Variants in USH2A observed in about 807,000 individuals in gnomAD.
USH2A encodes the protein Usher syndrome 2A (autosomal recessive, mild).
Under a neutral mutation model 538.9 loss-of-function variants are expected in USH2A, and 443 were observed. The ratio of observed to expected loss-of-function variants is 0.82; its 90% CI spans 0.76 to 0.89. The LOEUF is 0.89. Ranked by LOEUF, USH2A falls within the 40% of genes least tolerant of loss-of-function variation. The pLI, the probability that USH2A is intolerant of heterozygous loss-of-function variation, is 0.00. For synonymous variants in USH2A, 2,413 were observed against 2,273.5 expected (o/e 1.06, Z -1.75); for missense variants, 6,633 against 6,324.8 (o/e 1.05, Z -1.65).
intron 26 of USH2A, among the ~76,000 whole-genome samples, chr1:216,082,055 G>C (rs1279744010): frequency 3.3e-5 from 5 of 152,036 alleles, no homozygotes; most frequent in African/African-American, 1.2e-4. Context: ...TCAAGAGGAG[G>C]AGCCAAATGG....
chr1:215,687,363 GAGA>G (rs1241598178), intron 61 of USH2A, among the ~76,000 whole-genome samples: 1 of 147,864 alleles, frequency 6.8e-6, no homozygotes, highest in Non-Finnish European at 1.5e-5. Context: ...CGTGAAAAGG[GAGA>G]AGGTTTTTTT....
At chr1:216,158,673 T>C (rs1378810382) in intron 21 of USH2A, among the ~76,000 whole-genome samples, 1 of 152,184 alleles carries the variant, frequency 6.6e-6, no homozygotes, top group African/African-American at 2.4e-5. Flanking sequence ...CTTTGCCCTT[T>C]TTTAGTATTG....
chr1:216,124,798 T>A (rs1558271093), intron 21 of USH2A, among the ~76,000 whole-genome samples: 1 of 152,184 alleles, frequency 6.6e-6, no homozygotes, highest in African/African-American at 2.4e-5. Flanking sequence ...GACCTTCTCC[T>A]GAAGGGACAC....
At chr1:216,220,018 A>G (rs962912880) in intron 14 of USH2A, among the ~76,000 whole-genome samples, 2 of 152,158 alleles carry the variant, frequency 1.3e-5, no homozygotes, top group Non-Finnish European at 2.9e-5. Context: ...TTCCTTTCTT[A>G]GGAATTTCTT....
intron 43 of USH2A, among the ~76,000 whole-genome samples, chr1:215,872,528 A>G (rs542712138): frequency 1.3e-5 from 2 of 152,326 alleles, no homozygotes; most frequent in South Asian, 4.1e-4. Flanking sequence ...CATCACCATG[A>G]GAAAGAAATA....
intron 52 of USH2A, 43 bp from the exon 53 acceptor site, chr1:215,782,978 AT>A (rs778491599): frequency 1.9e-6 from 3 of 1,568,152 alleles, no homozygotes; most frequent in Admixed American, 1.9e-5. Flanking sequence ...TCTTATTTTC[AT>A]TTTTTAACCA....
intron 3 of USH2A, among the ~76,000 whole-genome samples, chr1:216,370,700 A>AAAAAAAAAAAAAAAAC (rs2038696787): frequency 2.0e-5 from 3 of 150,696 alleles, no homozygotes; most frequent in Admixed American, 6.6e-5. Context: ...AAAAAAAAAA[A>AAAAAAAAAAAAAAAAC]AATACTCAAG....
intron 15 of USH2A, among the ~76,000 whole-genome samples, chr1:216,210,224 G>T (rs927680967): frequency 6.6e-6 from 1 of 150,780 alleles, no homozygotes; most frequent in East Asian, 1.9e-4. Context: ...AAAGAATGAG[G>T]GTCGTGATCA....
intron 21 of USH2A, among the ~76,000 whole-genome samples, chr1:216,129,221 T>C (rs968848547): frequency 6.6e-6 from 1 of 152,108 alleles, no homozygotes; most frequent in Non-Finnish European, 1.5e-5. Context: ...CATGAGAGTG[T>C]AAATATCTCT....
At chr1:215,941,807 T>A (rs564767221) in intron 37 of USH2A, among the ~76,000 whole-genome samples, 1 of 152,304 alleles carries the variant, frequency 6.6e-6, no homozygotes, top group South Asian at 2.1e-4. Flanking sequence ...ATGGTTCCTC[T>A]GTAAAAGAAG....
chr1:216,306,744 G>A (rs1281156510), intron 9 of USH2A, among the ~76,000 whole-genome samples: 1 of 152,138 alleles, frequency 6.6e-6, no homozygotes, highest in African/African-American at 2.4e-5. Context: ...CTCCCTGGAT[G>A]TGGGTGCTCC....
rs1354241616 is a variant in USH2A at position 216,198,554 on chromosome 1, C to T, written c.3842G>A (p.Arg1281Lys). 1 of 1,613,504 alleles carries T rather than the reference C, an allele frequency of 6.2e-7. No homozygotes were observed. Among genetic ancestry groups the T allele is most frequent in the South Asian group, 1.1e-5 (1 of 90,960 alleles). Residue 1281 changes from arginine to lysine, a missense_variant, in exon 18 of 72, where the codon AGA becomes AAA. Physicochemically the swap from Arg to Lys is conservative, Grantham distance 26 (BLOSUM62 2). Coordinates refer to ENST00000307340, the MANE Select transcript of USH2A (RefSeq NM_206933.4). Reference protein sequence around the residue: ...GIIIRYELYMRRLRSTKETTS... With the variant: ...GIIIRYELYMKRLRSTKETTS... Reference sequence around the variant, plus strand: ...GGTTTCTTTAGTAGATCTCAGTCTTCTCATGTATAGTTCATATCTTATAAT... The same window carrying T: ...GGTTTCTTTAGTAGATCTCAGTCTTTTCATGTATAGTTCATATCTTATAAT...
intron 47 of USH2A, among the ~76,000 whole-genome samples, chr1:215,826,134 A>G (rs1374270824): frequency 3.3e-5 from 5 of 152,198 alleles, no homozygotes; most frequent in African/African-American, 1.2e-4. Flanking sequence ...GCATAGATGG[A>G]TGAGTTTCTC....
chr1:215,847,585 T>C (rs1331276575), intron 44 of USH2A, among the ~76,000 whole-genome samples: 2 of 150,718 alleles, frequency 1.3e-5, no homozygotes, highest in African/African-American at 4.9e-5. Flanking sequence ...GCAGAGGTTG[T>C]GGTGAGCTGA....
chr1:216,174,375 T>C lies in USH2A; in HGVS notation c.4627+877A>G, dbSNP rs561791798. The C allele has an allele frequency of 1.3e-4, 127 of 984,684 alleles. No individual in the cohort carries two copies. In the African/African-American group the frequency reaches 2.1e-3, roughly 16 times the overall value. The allele number at this position is 984,684 out of a possible 1,614,324, so 61.0% of individuals were successfully genotyped here. On this transcript the variant is annotated intron_variant, in intron 21 of 71. Transcript: ENST00000307340. The stretch of plus-strand genomic sequence containing the variant: ...ACCATAAGTAGAGTTTTTTTACAGC[T>C]ATATTGAAATCATGCTATTAGAAGC...
chr1:215,825,356 C>T (rs372914726), intron 47 of USH2A, among the ~76,000 whole-genome samples: 1 of 152,076 alleles, frequency 6.6e-6, no homozygotes, highest in South Asian at 2.1e-4. Context: ...GATCTCATCA[C>T]TTCCAGTTGT....
intron 13 of USH2A, among the ~76,000 whole-genome samples, chr1:216,235,377 A>G (rs1348826218): frequency 1.3e-5 from 2 of 152,186 alleles, no homozygotes; most frequent in African/African-American, 4.8e-5. Context: ...TTAGGACAAC[A>G]TTATTACCTT....
intron 56 of USH2A, among the ~76,000 whole-genome samples, chr1:215,762,596 T>C (rs1258545370): frequency 3.9e-5 from 6 of 152,170 alleles, no homozygotes; most frequent in African/African-American, 1.4e-4. Flanking sequence ...ACTTGGATGG[T>C]GATATGGGGA....
At chr1:215,874,788 C>T (rs566620718) in intron 43 of USH2A, among the ~76,000 whole-genome samples, 19 of 152,092 alleles carry the variant, frequency 1.2e-4, no homozygotes, top group East Asian at 5.8e-4. Flanking sequence ...TTTATGCAGA[C>T]GTTAAGTTAA....
Sources: allele counts gnomAD v4.1 joint callset (sites outside exome capture counted in the v4.1 genomes callset), GRCh38; gene constraint gnomAD v4.1.1; transcripts MANE v1.5; gene names NCBI Gene and HGNC (gene_info 2026-07-23, HGNC 2026-07-21).